Variants in METTL17 observed in about 807,000 individuals in gnomAD.
METTL17 encodes ribosome assembly protein METTL17, mitochondrial.
A neutral mutation model predicts 59.4 loss-of-function variants in METTL17; 49 were observed. The ratio of observed to expected loss-of-function variants is 0.82; its 90% CI spans 0.66 to 1.05. The LOEUF (loss-of-function observed/expected upper bound fraction) is 1.05. Among genes scored for constraint, METTL17 ranks in the 50% least tolerant of loss-of-function variants. The pLI is 0.00. For missense variants in METTL17, 555 were observed against 578.4 expected, an observed-to-expected ratio of 0.96 and a Z score of 0.41; for synonymous variants, 208 against 209.2, an observed-to-expected ratio of 0.99 and a Z score of 0.05.
chr14:20,994,353 T>G (rs889396247), intron 7 of METTL17, among the ~76,000 whole-genome samples, 190 bp from the exon 8 acceptor site: 7 of 151,308 alleles, frequency 4.6e-5, no homozygotes, highest in African/African-American at 1.7e-4. Flanking sequence ...ACTCCTGGCC[T>G]CAAGCCATCC....
At chr14:20,993,389 A>C (rs1276636007) in intron 6 of METTL17, 198 bp downstream of exon 6, 1 of 494,278 alleles carries the variant, frequency 2.0e-6, no homozygotes, top group Non-Finnish European at 3.6e-6. Flanking sequence ...ATGTCAAGTA[A>C]AAAAAGGCGC....
Position 20,996,721 on chromosome 14 carries a change from G to C in METTL17, c.1265+10G>C, listed in dbSNP as rs115803844. The stretch of plus-strand genomic sequence containing the variant: ...CCCGCCGGCACGGCAGGTATGGGGG[G>C]TGTGACCAAAATCAGTGGGATGTGG... On this transcript the variant is annotated intron_variant, in intron 13 of 13. Coordinates refer to ENST00000339374, the MANE Select transcript of METTL17 (RefSeq NM_022734.3). 1.2e-6 allele frequency: 2 copies of C among 1,614,238 alleles called. No homozygotes were observed. The highest frequency in any genetic ancestry group is 1.7e-5 in the Admixed American group (1 of 60,028).
intron 11 of METTL17, 110 bp from the exon 12 acceptor site, chr14:20,996,099 T>G: frequency 7.8e-7 from 1 of 1,282,498 alleles, no homozygotes; most frequent in Non-Finnish European, 1.1e-6. Context: ...TCCTACCCAC[T>G]GCTCCTGTCC....
At chr14:20,993,914 A>G in intron 6 of METTL17, 55 bp from the exon 7 acceptor site, 1 of 1,383,802 alleles carries the variant, frequency 7.2e-7, no homozygotes, top group Non-Finnish European at 1.0e-6. Context: ...GGCCTCTTGT[A>G]GAGATGACTC....
chr14:20,996,116 C>T, intron 11 of METTL17, 93 bp from the exon 12 acceptor site: 3 of 1,327,080 alleles, frequency 2.3e-6, no homozygotes, highest in Non-Finnish European at 3.2e-6. Flanking sequence ...GTCCTCCCTT[C>T]TCCCTGGCCC....
chr14:20,990,553 C>T lies in METTL17; in HGVS notation c.319C>T (p.Gln107Ter). The change falls in exon 3 of 14, where the codon CAA (glutamine) becomes TAA (stop). Residue 107 changes from glutamine to a stop codon, truncating the protein, a stop_gained. Transcript: ENST00000339374. LOFTEE classifies it high-confidence loss of function. Reference sequence around the variant, plus strand: ...TTTGCCTGTAGAGCCAGAGGAGTTGCAAAGACGGGCTAGGCATCTTGAGAA... The same window carrying T: ...TTTGCCTGTAGAGCCAGAGGAGTTGTAAAGACGGGCTAGGCATCTTGAGAA... Reference protein sequence around the residue: ...RHLPVEPEELQRRARHLEKKF... With the variant: ...RHLPVEPEEL 1 of 1,614,208 alleles carries T rather than the reference C, an allele frequency of 6.2e-7. No individual in the cohort carries two copies. Among genetic ancestry groups the T allele is most frequent in the Non-Finnish European group, 8.5e-7 (1 of 1,180,038 alleles).
rs78713618 is a variant in METTL17, at chr14:20,993,090, T to C, written c.529-28T>C. ...GTCCTAAATAAGTATCTAATTACCC[T>C]ACTGTGGGATGTTGTATATTTCTTC... On this transcript the variant is annotated intron_variant, in intron 5 of 13. Coordinates refer to ENST00000339374, the MANE Select transcript of METTL17 (RefSeq NM_022734.3). 8,831 of 1,600,720 alleles carry C rather than the reference T, an allele frequency of 5.5e-3. 200 individuals carry two copies. In the East Asian group the frequency reaches 0.076, roughly 14 times the overall value.
intron 3 of METTL17, among the ~76,000 whole-genome samples, chr14:20,991,536 A>ATT (rs1555321111): frequency 7.3e-5 from 11 of 150,190 alleles, no homozygotes; most frequent in Admixed American, 2.0e-4. Context: ...TTTAAAAAAA[A>ATT]TTTTTTTTTT....
intron 4 of METTL17, 51 bp from the exon 5 acceptor site, chr14:20,992,490 T>G (rs1258302623): frequency 1.4e-6 from 2 of 1,394,280 alleles, no homozygotes; most frequent in East Asian, 4.6e-5. Context: ...AAGGTAATTA[T>G]GGGATTAAGG....
At position 20,990,066 on chromosome 14, in the gene METTL17, C is replaced by T. The variant is rs769704814; in HGVS notation, c.64C>T (p.Pro22Ser). The part of the protein sequence containing the change: ...GRWCPGLGVA[P>S]QARALAALVP... ...ATGGTGCCCCGGCCTTGGAGTGGCT[C>T]CCCAGGCCCGGGTGAGTGCCTACAT... Residue 22 changes from proline (P) to serine (S), a missense_variant, in exon 1 of 14, where the codon CCC becomes TCC. Transcript: ENST00000339374. 38 of 1,613,124 alleles carry T rather than the reference C, an allele frequency of 2.4e-5. No individual in the cohort carries two copies. Among genetic ancestry groups the T allele is most frequent in the Non-Finnish European group, 3.1e-5 (36 of 1,180,014 alleles).
At chr14:20,996,323 C>T in intron 12 of METTL17, 31 bp downstream of exon 12, 1 of 1,589,896 alleles carries the variant, frequency 6.3e-7, no homozygotes, top group Non-Finnish European at 8.6e-7. Context: ...CAGCAGGAAG[C>T]AAACATCCTG....
intron 6 of METTL17, chr14:20,993,720 A>C (rs527300759): frequency 3.5e-6 from 1 of 282,820 alleles, no homozygotes; most frequent in Non-Finnish European, 6.6e-6. Context: ...TGATCCGCCC[A>C]CCTTGGCCTC....
chr14:20,993,733 A>G (rs58947592), intron 6 of METTL17: 3,303 of 300,344 alleles, frequency 0.011, 103 homozygotes, highest in African/African-American at 0.066. Context: ...TTGGCCTCCC[A>G]AAGTGCTGGG....
At position 20,993,145 on chromosome 14, in the gene METTL17, C is replaced by T. The variant is rs1880130199; in HGVS notation, c.556C>T (p.Pro186Ser). The T allele has an allele frequency of 6.2e-7, 1 of 1,614,006 alleles. No homozygotes were observed. The highest frequency in any genetic ancestry group is 1.3e-5 in the African/African-American group (1 of 74,916). The change falls in exon 6 of 14, where the codon CCA (proline) becomes TCA (serine). Residue 186 changes from proline to serine, a missense_variant. Pro to Ser is a moderately conservative substitution (Grantham distance 74, BLOSUM62 -1). Transcript: ENST00000339374. Reference sequence around the variant, plus strand: ...CCGGGCTCGAAATCCAGCATTTCAGCCACAAACTTTGATGGACTTTGGCTC... The same window carrying T: ...CCGGGCTCGAAATCCAGCATTTCAGTCACAAACTTTGATGGACTTTGGCTC... The part of the protein sequence containing the change: ...EIRARNPAFQ[P>S]QTLMDFGSGT...
rs201439079 is a variant in METTL17, at chr14:20,990,048, C to T, written c.46C>T (p.Pro16Ser). ...TCTACTGACATTAGGAAGATGGTGC[C>T]CCGGCCTTGGAGTGGCTCCCCAGGC... ...KCLLTLGRWC[P>S]GLGVAPQARA... Residue 16 changes from proline to serine, a missense_variant, in exon 1 of 14, where the codon CCC (proline) becomes TCC (serine). Transcript: ENST00000339374. The T allele has an allele frequency of 5.6e-6, 9 of 1,613,298 alleles. No homozygotes were observed. Among genetic ancestry groups the T allele is most frequent in the Non-Finnish European group, 7.6e-6 (9 of 1,179,886 alleles).
At chr14:20,995,759 C>A in intron 10 of METTL17, 142 bp from the exon 11 acceptor site, 1 of 656,204 alleles carries the variant, frequency 1.5e-6, no homozygotes, top group Non-Finnish European at 2.7e-6. Flanking sequence ...ATTAAAGATG[C>A]AGCCAGCTTA....
Position 20,994,000 on chromosome 14 carries a change from C to T in METTL17, c.634C>T (p.Arg212Cys), listed in dbSNP as rs902036799. The T allele has an allele frequency of 5.0e-6, 8 of 1,613,362 alleles. No homozygotes were observed. The Admixed American group carries it at 5.0e-5, about 10-fold the overall frequency. ...AAHSIWGQSL[R>C]EYMCVDRSAA... ...TCACAGTATTTGGGGCCAGAGCCTACGTGAATATATGTGTGTGGACAGATC... is the reference window on the plus strand; with the variant it reads ...TCACAGTATTTGGGGCCAGAGCCTATGTGAATATATGTGTGTGGACAGATC... Residue 212 changes from arginine (R) to cysteine (C), a missense_variant, in exon 7 of 14, where the codon CGT becomes TGT. Physicochemically the swap from Arg to Cys is radical, Grantham distance 180. Coordinates refer to ENST00000339374, the MANE Select transcript of METTL17 (RefSeq NM_022734.3).
At chr14:20,995,710 C>T (rs2138741588) in intron 10 of METTL17, 191 bp from the exon 11 acceptor site, 2 of 586,450 alleles carry the variant, frequency 3.4e-6, no homozygotes, top group East Asian at 2.8e-5. Context: ...AAGTTCTTGC[C>T]TTTCTCCTGC....
At chr14:20,992,646 C>G in intron 5 of METTL17, 24 bp downstream of exon 5, 2 of 1,584,910 alleles carry the variant, frequency 1.3e-6, no homozygotes, top group Non-Finnish European at 1.7e-6. Flanking sequence ...AACTTCCAAC[C>G]TGAACTTTTT....
Sources: allele counts gnomAD v4.1 joint callset (sites outside exome capture counted in the v4.1 genomes callset), GRCh38; gene constraint gnomAD v4.1.1; transcripts MANE v1.5; gene names NCBI Gene and HGNC (gene_info 2026-07-23, HGNC 2026-07-21).